Variants in GRIK1 observed in about 807,000 individuals in gnomAD.
GRIK1 encodes glutamate receptor ionotropic, kainate 1.
GRIK1 carries 69 observed loss-of-function variants against 105.7 expected under a neutral mutation model. The observed-to-expected ratio is 0.65, with a 90% CI of 0.54 to 0.80. GRIK1 has a LOEUF of 0.80. GRIK1 is among the 30% of genes least tolerant of loss of function. GRIK1 has a pLI of 0.00. For missense variants in GRIK1, 1,109 were observed against 1,167.3 expected (o/e 0.95, Z 0.73); for synonymous variants, 438 against 431.3 (o/e 1.02, Z -0.19).
intron 1 of GRIK1, among the ~76,000 whole-genome samples, chr21:29,892,895 C>T (rs1275682312): frequency 2.0e-5 from 3 of 152,030 alleles, no homozygotes; most frequent in South Asian, 2.1e-4. Flanking sequence ...TAAATTTGGC[C>T]GGACACAGTG....
chr21:29,902,616 A>G (rs1358630781), intron 1 of GRIK1, among the ~76,000 whole-genome samples: 2 of 152,224 alleles, frequency 1.3e-5, no homozygotes, highest in African/African-American at 4.8e-5. Flanking sequence ...AAGGAGAACT[A>G]CAAACCACTA....
At chr21:29,707,008 G>GTCC in intron 1 of GRIK1, among the ~76,000 whole-genome samples, 1 of 152,194 alleles carries the variant, frequency 6.6e-6, no homozygotes, top group Non-Finnish European at 1.5e-5. Flanking sequence ...TGGACTACAG[G>GTCC]TGCCCGCCAC....
intron 1 of GRIK1, among the ~76,000 whole-genome samples, chr21:29,820,731 G>A (rs527738097): frequency 6.6e-6 from 1 of 151,890 alleles, no homozygotes; most frequent in Non-Finnish European, 1.5e-5. Flanking sequence ...ATAATAATAG[G>A]TATGATTATT....
chr21:29,934,653 G>A (rs369144906), intron 1 of GRIK1, among the ~76,000 whole-genome samples: 1 of 152,038 alleles, frequency 6.6e-6, no homozygotes, highest in East Asian at 1.9e-4. Context: ...ATACAATATG[G>A]CATAATTTAA....
At chr21:29,836,587 TAA>T (rs2067812562) in intron 1 of GRIK1, among the ~76,000 whole-genome samples, 1 of 152,190 alleles carries the variant, frequency 6.6e-6, no homozygotes, top group South Asian at 2.1e-4. Flanking sequence ...CTGTGAATTA[TAA>T]GTTTATAAAC....
At chr21:29,858,454 C>T (rs1274873361) in intron 1 of GRIK1, among the ~76,000 whole-genome samples, 1 of 152,152 alleles carries the variant, frequency 6.6e-6, no homozygotes, top group Non-Finnish European at 1.5e-5. Context: ...CCTCTGTCAG[C>T]TCTCCTTCCT....
At chr21:29,610,436 A>G (rs1453202557) in intron 7 of GRIK1, among the ~76,000 whole-genome samples, 2 of 152,204 alleles carry the variant, frequency 1.3e-5, no homozygotes, top group Non-Finnish European at 2.9e-5. Flanking sequence ...TCAGAGAGAC[A>G]GAAGATGATG....
At chr21:29,830,349 ACACACACACACACT>A (rs762493642) in intron 1 of GRIK1, among the ~76,000 whole-genome samples, 3,127 of 146,402 alleles carry the variant, frequency 0.021, 96 homozygotes, top group African/African-American at 0.063. Context: ...ACACACACAC[ACACACACACACACT>A]CACACACATA....
chr21:29,620,195 G>A (rs2061954108), intron 7 of GRIK1, among the ~76,000 whole-genome samples: 1 of 152,158 alleles, frequency 6.6e-6, no homozygotes, highest in African/African-American at 2.4e-5. Context: ...ATGTTGACAG[G>A]GACCCAGACC....
intron 1 of GRIK1, among the ~76,000 whole-genome samples, chr21:29,786,886 A>C (rs2066274640): frequency 6.6e-6 from 1 of 152,174 alleles, no homozygotes; most frequent in Admixed American, 6.5e-5. Flanking sequence ...TCTCTGAAAG[A>C]ATTCATTGAT....
At chr21:29,815,975 C>T (rs2067144959) in intron 1 of GRIK1, among the ~76,000 whole-genome samples, 1 of 151,914 alleles carries the variant, frequency 6.6e-6, no homozygotes, top group African/African-American at 2.4e-5. Context: ...AAAAAAACTG[C>T]ACAGTAAAGG....
At chr21:29,896,649 T>C (rs1384705792) in intron 1 of GRIK1, among the ~76,000 whole-genome samples, 2 of 152,240 alleles carry the variant, frequency 1.3e-5, no homozygotes, top group Non-Finnish European at 2.9e-5. Context: ...TTGCAGGATC[T>C]TTAGAAGTCA....
chr21:29,574,629 C>T (rs1051463068), intron 14 of GRIK1, among the ~76,000 whole-genome samples: 1 of 151,172 alleles, frequency 6.6e-6, no homozygotes, highest in Non-Finnish European at 1.5e-5. Context: ...CATCACTGTC[C>T]AAAGAAGAAA....
intron 4 of GRIK1, among the ~76,000 whole-genome samples, chr21:29,656,284 C>T (rs976414111): frequency 1.0e-4 from 14 of 138,494 alleles, no homozygotes; most frequent in African/African-American, 3.8e-4. Flanking sequence ...ACGGCGTGAA[C>T]CCGGGGGCGG....
At chr21:29,779,731 T>C (rs2066039007) in intron 1 of GRIK1, among the ~76,000 whole-genome samples, 2 of 152,196 alleles carry the variant, frequency 1.3e-5, no homozygotes. Context: ...CAACATTAGC[T>C]AGGCTCCAAA....
intron 10 of GRIK1, among the ~76,000 whole-genome samples, chr21:29,590,680 G>C (rs1030460106): frequency 1.3e-5 from 2 of 152,212 alleles, no homozygotes; most frequent in African/African-American, 4.8e-5. Context: ...TGCCACTGAT[G>C]GGCAGAAGCT....
chr21:29,879,332 C>T (rs1057391426), intron 1 of GRIK1, among the ~76,000 whole-genome samples: 1 of 151,992 alleles, frequency 6.6e-6, no homozygotes, highest in Non-Finnish European at 1.5e-5. Flanking sequence ...GAGCTGCCAA[C>T]TGTGGTACCC....
chr21:29,658,612 T>C (rs2062901590), intron 4 of GRIK1, among the ~76,000 whole-genome samples: 1 of 152,224 alleles, frequency 6.6e-6, no homozygotes, highest in Non-Finnish European at 1.5e-5. Context: ...TTTGACATTA[T>C]ATCATTGACT....
At chr21:29,876,112 A>ATGTGTGTG (rs1555903193) in intron 1 of GRIK1, among the ~76,000 whole-genome samples, 3,599 of 149,036 alleles carry the variant, frequency 0.024, 144 homozygotes, top group African/African-American at 0.083. Flanking sequence ...GGAGATAGAT[A>ATGTGTGTG]TGTGTGTGTG....
Sources: gnomAD v4.1 joint callset for allele counts (sites outside exome capture counted in the v4.1 genomes callset) on GRCh38, gnomAD v4.1.1 for gene constraint, MANE v1.5 for transcripts, NCBI Gene and HGNC (gene_info 2026-07-23, HGNC 2026-07-21) for gene names.